Variants in SHISA6 observed in about 807,000 individuals in gnomAD.
The protein encoded by SHISA6 is protein shisa-6.
In SHISA6, 22 loss-of-function variants were observed where a neutral mutation model predicts 47.9. The ratio of observed to expected loss-of-function variants is 0.46; its 90% CI spans 0.33 to 0.66. The LOEUF is 0.66. Among genes scored for constraint, SHISA6 ranks in the 30% least tolerant of loss-of-function variants. The pLI is 0.02. For synonymous variants in SHISA6, 388 were observed against 337.8 expected (o/e 1.15, Z -1.63); for missense variants, 680 against 764.6 (o/e 0.89, Z 1.30).
chr17:11,469,876 A>C (rs1410563396), intron 3 of SHISA6, among the ~76,000 whole-genome samples: 2 of 152,194 alleles, frequency 1.3e-5, no homozygotes, highest in Non-Finnish European at 2.9e-5. Flanking sequence ...TGAAGCCCTT[A>C]CCTTCAATGT....
At chr17:11,421,375 G>T (rs1914447479) in intron 3 of SHISA6, among the ~76,000 whole-genome samples, 1 of 152,100 alleles carries the variant, frequency 6.6e-6, no homozygotes, top group Non-Finnish European at 1.5e-5. Flanking sequence ...AGCACCAGGG[G>T]GATTTCTTGG....
chr17:11,321,989 A>G (rs1475283912), intron 2 of SHISA6, among the ~76,000 whole-genome samples: 1 of 152,196 alleles, frequency 6.6e-6, no homozygotes, highest in Non-Finnish European at 1.5e-5. Context: ...CCCTTCTTCT[A>G]TAGGCTTTTA....
intron 3 of SHISA6, among the ~76,000 whole-genome samples, chr17:11,384,569 ACC>A (rs1470413342): frequency 3.1e-4 from 47 of 152,256 alleles, no homozygotes; most frequent in African/African-American, 1.1e-3. Context: ...TCTTTCCAGA[ACC>A]CCCACATTTC....
chr17:11,472,614 A>G (rs1310553923), intron 3 of SHISA6, among the ~76,000 whole-genome samples: 5 of 152,362 alleles, frequency 3.3e-5, no homozygotes, highest in African/African-American at 1.2e-4. Flanking sequence ...GTAACTAAGA[A>G]TAAGGCTGCT....
intron 3 of SHISA6, among the ~76,000 whole-genome samples, chr17:11,431,248 G>C (rs1914763550): frequency 6.6e-6 from 1 of 152,140 alleles, no homozygotes; most frequent in African/African-American, 2.4e-5. Flanking sequence ...GCTGCTGACT[G>C]TCCAGAATTC....
intron 2 of SHISA6, among the ~76,000 whole-genome samples, chr17:11,305,814 C>G (rs563139666): frequency 6.6e-6 from 1 of 152,244 alleles, no homozygotes; most frequent in African/African-American, 2.4e-5. Flanking sequence ...GCTTATGTCT[C>G]GGAGCGGAGG....
chr17:11,382,458 C>G (rs959393459), intron 3 of SHISA6, among the ~76,000 whole-genome samples: 3 of 152,186 alleles, frequency 2.0e-5, no homozygotes, highest in Non-Finnish European at 4.4e-5. Flanking sequence ...GAACCATCCT[C>G]TCTTCCTTCA....
At chr17:11,412,634 C>T (rs969840794) in intron 3 of SHISA6, among the ~76,000 whole-genome samples, 1 of 151,946 alleles carries the variant, frequency 6.6e-6, no homozygotes, top group Non-Finnish European at 1.5e-5. Context: ...CTCCACCTCC[C>T]AGGTTCACGC....
At chr17:11,281,576 G>T (rs1331350256) in intron 2 of SHISA6, among the ~76,000 whole-genome samples, 1 of 151,970 alleles carries the variant, frequency 6.6e-6, no homozygotes, top group Non-Finnish European at 1.5e-5. Context: ...AGAACTTTTT[G>T]TGTCTATGTT....
At chr17:11,393,853 C>A (rs947327043) in intron 3 of SHISA6, among the ~76,000 whole-genome samples, 6 of 152,176 alleles carry the variant, frequency 3.9e-5, no homozygotes, top group South Asian at 4.1e-4. Flanking sequence ...AAATTGGTTT[C>A]TTTTCTGCTC....
intron 2 of SHISA6, among the ~76,000 whole-genome samples, chr17:11,347,424 T>C (rs1209125680): frequency 1.3e-5 from 2 of 152,224 alleles, no homozygotes. Context: ...GTAAGTCACC[T>C]GGTAACTTTA....
intron 2 of SHISA6, among the ~76,000 whole-genome samples, chr17:11,365,187 T>G (rs1912406039): frequency 6.6e-6 from 1 of 152,192 alleles, no homozygotes; most frequent in Non-Finnish European, 1.5e-5. Context: ...TCATTATTAT[T>G]ATTACTACTG....
At chr17:11,394,183 A>G (rs954563384) in intron 3 of SHISA6, among the ~76,000 whole-genome samples, 1 of 152,020 alleles carries the variant, frequency 6.6e-6, no homozygotes, top group Admixed American at 6.6e-5. Flanking sequence ...TTTGATGCCC[A>G]GTGGATATTC....
chr17:11,521,597 AAC>A (rs2071630097), intron 3 of SHISA6, among the ~76,000 whole-genome samples: 1 of 47,280 alleles, frequency 2.1e-5, no homozygotes, highest in Non-Finnish European at 4.4e-5. Flanking sequence ...CAGCCTGGAC[AAC>A]ATAGTGAGAC....
chr17:11,316,672 G>A (rs1462477153), intron 2 of SHISA6, among the ~76,000 whole-genome samples: 1 of 151,710 alleles, frequency 6.6e-6, no homozygotes, highest in African/African-American at 2.4e-5. Flanking sequence ...CGCCCACCTC[G>A]GCCTCCCAAA....
intron 2 of SHISA6, among the ~76,000 whole-genome samples, chr17:11,346,734 A>G (rs921886649): frequency 6.6e-6 from 1 of 152,216 alleles, no homozygotes; most frequent in Non-Finnish European, 1.5e-5. Flanking sequence ...ATTGTCACTC[A>G]TGCTCACTTG....
At chr17:11,324,008 T>G (rs373680667) in intron 2 of SHISA6, among the ~76,000 whole-genome samples, 2 of 152,174 alleles carry the variant, frequency 1.3e-5, no homozygotes, top group East Asian at 1.9e-4. Context: ...ATAAAATGAT[T>G]GAGGGAGCCC....
intron 2 of SHISA6, among the ~76,000 whole-genome samples, chr17:11,285,578 G>C (rs140615974): frequency 1.6e-3 from 246 of 152,328 alleles, no homozygotes; most frequent in African/African-American, 5.6e-3. Context: ...GATCCAATAT[G>C]CATTTAATGA....
intron 2 of SHISA6, among the ~76,000 whole-genome samples, chr17:11,368,721 G>A (rs12948897): frequency 0.5 from 75,743 of 151,912 alleles, 19,296 homozygotes; most frequent in Middle Eastern, 0.6. Context: ...CAGTGGCACA[G>A]TCTTGACTCA....
Sources: gnomAD v4.1 joint callset for allele counts (sites outside exome capture counted in the v4.1 genomes callset) on GRCh38, gnomAD v4.1.1 for gene constraint, MANE v1.5 for transcripts, NCBI Gene and HGNC (gene_info 2026-07-23, HGNC 2026-07-21) for gene names.